AKAP19: variants seen among roughly 807,000 people sequenced by gnomAD.
The protein encoded by AKAP19 is small A-kinase anchoring protein.
At chr2:190,146,691 A>G in the AKAP19 span, among the ~76,000 whole-genome samples, 1 of 152,172 alleles carries the variant, frequency 6.6e-6, no homozygotes, top group African/African-American at 2.4e-5. Flanking sequence ...GATTATGTTC[A>G]TTCTTGCAGG....
the AKAP19 span, among the ~76,000 whole-genome samples, chr2:190,038,900 C>CT: frequency 2.9e-5 from 1 of 34,524 alleles, no homozygotes; most frequent in Non-Finnish European, 6.0e-5. Flanking sequence ...TTCTTTCTTT[C>CT]TTTCTTCTTC....
chr2:190,197,576 CTGACTCTCCTGGGGCTCAA>C, the AKAP19 span, among the ~76,000 whole-genome samples: 2 of 152,204 alleles, frequency 1.3e-5, no homozygotes, highest in African/African-American at 4.8e-5. This position sits in a 1 kb window ranked among gnomAD's most constrained non-coding sequence, Gnocchi z 4.0. Flanking sequence ...TTGCCACTCT[CTGACTCTCCTGGGGCTCAA>C]CTCCCACGGT....
chr2:189,882,172 T>G, the AKAP19 span, among the ~76,000 whole-genome samples: 1 of 152,206 alleles, frequency 6.6e-6, no homozygotes, highest in African/African-American at 2.4e-5. Context: ...CTGAGACCTG[T>G]CTCAGATTTT....
At chr2:190,193,465 TTTAGA>T in the AKAP19 span, among the ~76,000 whole-genome samples, 28 of 152,086 alleles carry the variant, frequency 1.8e-4, no homozygotes, top group African/African-American at 5.1e-4. Flanking sequence ...TTCTGAAGAG[TTTAGA>T]TAAGACTGGT....
At chr2:190,053,873 T>A in the AKAP19 span, among the ~76,000 whole-genome samples, 1 of 152,162 alleles carries the variant, frequency 6.6e-6, no homozygotes, top group South Asian at 2.1e-4. Context: ...TATTAACACA[T>A]AGAATTTTAA....
At chr2:189,887,312 C>T in the AKAP19 span, among the ~76,000 whole-genome samples, 2 of 152,198 alleles carry the variant, frequency 1.3e-5, no homozygotes, top group Non-Finnish European at 2.9e-5. Flanking sequence ...ATTAACTCAT[C>T]CTTTTTATGA....
the AKAP19 span, among the ~76,000 whole-genome samples, chr2:189,994,545 T>A: frequency 2.0e-5 from 3 of 152,082 alleles, no homozygotes; most frequent in African/African-American, 7.2e-5. Flanking sequence ...CCATCTTGAC[T>A]TTGTTGTTGA....
the AKAP19 span, among the ~76,000 whole-genome samples, chr2:189,950,122 G>T: frequency 1.9e-3 from 256 of 136,400 alleles, 1 homozygote; most frequent in African/African-American, 6.6e-3. Context: ...CCATCTCCCA[G>T]ATTCAAGTGA....
chr2:189,892,283 G>A, the AKAP19 span, among the ~76,000 whole-genome samples: 1 of 152,072 alleles, frequency 6.6e-6, no homozygotes, highest in African/African-American at 2.4e-5. Flanking sequence ...TTGCTGGCGA[G>A]GAGTTGTGAT....
At chr2:190,161,947 G>A in the AKAP19 span, among the ~76,000 whole-genome samples, 2 of 152,116 alleles carry the variant, frequency 1.3e-5, no homozygotes, top group East Asian at 3.8e-4. Flanking sequence ...CAAAATCAAG[G>A]TGTTTATTTT....
the AKAP19 span, among the ~76,000 whole-genome samples, chr2:190,172,413 C>T: frequency 1.3e-5 from 2 of 152,136 alleles, no homozygotes; most frequent in African/African-American, 2.4e-5. Context: ...TGGTATAGAT[C>T]GTTGTCCAGA....
chr2:190,038,901 T>C, the AKAP19 span, among the ~76,000 whole-genome samples: 4 of 46,002 alleles, frequency 8.7e-5, no homozygotes, highest in Non-Finnish European at 1.4e-4. Context: ...TCTTTCTTTC[T>C]TTCTTCTTCT....
the AKAP19 span, among the ~76,000 whole-genome samples, chr2:189,895,243 C>G: frequency 2.6e-5 from 4 of 152,040 alleles, no homozygotes; most frequent in Non-Finnish European, 4.4e-5. Flanking sequence ...AAACTTCCAC[C>G]GTTTTCTCCT....
chr2:189,933,353 A>G, the AKAP19 span, among the ~76,000 whole-genome samples: 2 of 151,744 alleles, frequency 1.3e-5, no homozygotes, highest in African/African-American at 4.8e-5. Flanking sequence ...TGTTTGTCAC[A>G]CTTAATACTC....
chr2:189,955,609 C>T, the AKAP19 span, among the ~76,000 whole-genome samples: 1 of 152,180 alleles, frequency 6.6e-6, no homozygotes, highest in South Asian at 2.1e-4. Flanking sequence ...CTTTTCTCTG[C>T]ATCCTCACCA....
chr2:190,078,226 C>T, the AKAP19 span, among the ~76,000 whole-genome samples: 1 of 152,160 alleles, frequency 6.6e-6, no homozygotes, highest in Non-Finnish European at 1.5e-5. Flanking sequence ...CAAAATCTGC[C>T]TCTAGGACAG....
chr2:189,961,840 A>T, the AKAP19 span, among the ~76,000 whole-genome samples: 1 of 151,764 alleles, frequency 6.6e-6, no homozygotes, highest in Non-Finnish European at 1.5e-5. Context: ...TGAACCTGGG[A>T]GGTGGAGGTT....
the AKAP19 span, among the ~76,000 whole-genome samples, chr2:190,069,841 A>C: frequency 2.0e-5 from 3 of 152,210 alleles, no homozygotes; most frequent in African/African-American, 7.2e-5. Context: ...GCCTAAGGGA[A>C]ATAAAAAACT....
the AKAP19 span, among the ~76,000 whole-genome samples, chr2:189,940,645 T>C: frequency 1.5e-4 from 23 of 151,820 alleles, no homozygotes; most frequent in African/African-American, 5.6e-4. Flanking sequence ...ATTCAGGTAT[T>C]GAAAGGCCAG....
Sources: allele counts gnomAD v4.1 joint callset (sites outside exome capture counted in the v4.1 genomes callset), GRCh38; gene constraint gnomAD v4.1.1; non-coding constraint Gnocchi (gnomAD v3.1); transcripts MANE v1.5; gene names NCBI Gene and HGNC (gene_info 2026-07-23, HGNC 2026-07-21).